FYN: variants seen among roughly 807,000 people sequenced by gnomAD.
FYN encodes tyrosine-protein kinase Fyn.
Under a neutral mutation model 70.2 loss-of-function variants are expected in FYN, and 10 were observed. The observed-to-expected ratio is 0.14, with a 90% CI of 0.09 to 0.24. FYN has a LOEUF of 0.24. FYN is among the 10% of genes least tolerant of loss of function. The probability of loss-of-function intolerance (pLI) is 1.00; values close to 1 mark genes in which losing one functional copy is unlikely to be tolerated. For missense variants in FYN, 319 were observed against 673.1 expected, an observed-to-expected ratio of 0.47 and a Z score of 5.82; for synonymous variants, 236 against 248.6, an observed-to-expected ratio of 0.95 and a Z score of 0.48.
rs185860212 is a variant in FYN at position 111,720,951 on chromosome 6, A to T, written c.-11-889T>A. Among the ~76,000 whole-genome samples, 269 of 151,436 alleles carry T rather than the reference A, an allele frequency of 1.8e-3. 1 individual carries two copies. Among genetic ancestry groups the T allele is most frequent in the Non-Finnish European group, 3.3e-3 (222 of 67,818 alleles). ...AGTCAGCATCCTGAGAAGCATCCTC[A>T]TTTCCTCCTCCTTGTTTACTTCCCA... On this transcript the variant is annotated intron_variant, in intron 3 of 13. Coordinates refer to ENST00000354650, the MANE Select transcript of FYN (RefSeq NM_002037.5).
At chr6:111,839,588 G>A (rs1213708845) in intron 2 of FYN, among the ~76,000 whole-genome samples, 10 of 152,068 alleles carry the variant, frequency 6.6e-5, no homozygotes, top group Admixed American at 6.6e-4. Flanking sequence ...TAAGTACCGT[G>A]TTCATGTCCA....
At chr6:111,809,339 TA>T (rs1772251523) in intron 2 of FYN, among the ~76,000 whole-genome samples, 1 of 152,224 alleles carries the variant, frequency 6.6e-6, no homozygotes, top group African/African-American at 2.4e-5. Flanking sequence ...TTCTCTACTC[TA>T]TGGTTACCTT....
chr6:111,696,222 C>G, intron 10 of FYN, 55 bp downstream of exon 10: 2 of 1,423,452 alleles, frequency 1.4e-6, no homozygotes, highest in Non-Finnish European at 1.9e-6. Context: ...ATTTCTCTCC[C>G]CTAAACAACC....
intron 3 of FYN, among the ~76,000 whole-genome samples, chr6:111,742,107 G>C (rs1802002578): frequency 6.6e-6 from 1 of 152,192 alleles, no homozygotes; most frequent in Non-Finnish European, 1.5e-5. Context: ...TAATTTTTGA[G>C]AGCCTCCTCT....
At chr6:111,748,187 A>C (rs1802314883) in intron 3 of FYN, among the ~76,000 whole-genome samples, 1 of 152,274 alleles carries the variant, frequency 6.6e-6, no homozygotes, top group Non-Finnish European at 1.5e-5. Context: ...AAGATTGTTA[A>C]TTAGACTGAC....
chr6:111,764,216 C>CAAAAAAAAAAAAAA (rs11409465), intron 3 of FYN, among the ~76,000 whole-genome samples: 42 of 58,314 alleles, frequency 7.2e-4, no homozygotes, highest in East Asian at 3.4e-3. Flanking sequence ...TTTTGTCAAG[C>CAAAAAAAAAAAAAA]AAAAAAAAAA....
chr6:111,737,541 C>A (rs542949639), intron 3 of FYN, among the ~76,000 whole-genome samples: 2 of 152,200 alleles, frequency 1.3e-5, no homozygotes, highest in Admixed American at 1.3e-4. Context: ...AAGGAAAGGG[C>A]GTGGAGCGTC....
intron 6 of FYN, among the ~76,000 whole-genome samples, chr6:111,705,777 A>T (rs529843380): frequency 2.6e-5 from 4 of 152,046 alleles, no homozygotes; most frequent in African/African-American, 9.7e-5. Context: ...TGAACCAGGG[A>T]TGTGGAGGTT....
chr6:111,789,045 A>AGAG (rs750714031), intron 2 of FYN, among the ~76,000 whole-genome samples: 17 of 152,148 alleles, frequency 1.1e-4, no homozygotes, highest in South Asian at 6.2e-4. Flanking sequence ...CAGAGAGAGA[A>AGAG]GAGGAGGAGG....
chr6:111,748,729 A>T, intron 3 of FYN, among the ~76,000 whole-genome samples: 1 of 152,338 alleles, frequency 6.6e-6, no homozygotes, highest in South Asian at 2.1e-4. Context: ...ATGTTTAATA[A>T]ATTTTAAAAT....
Position 111,738,762 on chromosome 6 carries a change from G to A in FYN, c.-11-18700C>T, listed in dbSNP as rs1008153855. On this transcript the variant is annotated intron_variant, in intron 3 of 13. Transcript: ENST00000354650. ...TGAATGTGATCCTCCCTGGCTGAAA[G>A]AGGAAACATCTAGGTGGGGCTTTAG... Among the ~76,000 whole-genome samples, 4 of 152,344 alleles carry A rather than the reference G, an allele frequency of 2.6e-5. No homozygotes were observed. In the East Asian group the frequency reaches 7.7e-4, roughly 29 times the overall value.
chr6:111,704,525 G>A (rs1441637848), intron 6 of FYN, among the ~76,000 whole-genome samples: 6 of 152,044 alleles, frequency 3.9e-5, no homozygotes, highest in African/African-American at 1.4e-4. Flanking sequence ...AGGCCGAGGT[G>A]GGCAGATCAC....
chr6:111,790,862 T>G (rs997168513), intron 2 of FYN, among the ~76,000 whole-genome samples: 13 of 152,182 alleles, frequency 8.5e-5, no homozygotes, highest in African/African-American at 2.9e-4. Context: ...ACAAAAGATA[T>G]GTAAGACTTT....
intron 3 of FYN, among the ~76,000 whole-genome samples, chr6:111,765,226 C>T (rs1803183560): frequency 1.3e-5 from 2 of 152,048 alleles, no homozygotes; most frequent in South Asian, 4.2e-4. Context: ...GAATTGTGTC[C>T]CCTCAAATGC....
At chr6:111,862,664 T>C (rs974488198) in intron 1 of FYN, among the ~76,000 whole-genome samples, 2 of 152,188 alleles carry the variant, frequency 1.3e-5, no homozygotes, top group African/African-American at 2.4e-5. Flanking sequence ...TAGTCTAAGC[T>C]AAAGTAGTAA....
chr6:111,753,552 G>T (rs752733281), intron 3 of FYN, among the ~76,000 whole-genome samples: 41 of 151,418 alleles, frequency 2.7e-4, no homozygotes, highest in Non-Finnish European at 5.2e-4. Flanking sequence ...ACAATCTCAA[G>T]ATATAAAAAT....
At chr6:111,768,933 C>G (rs907610468) in intron 3 of FYN, among the ~76,000 whole-genome samples, 7 of 152,152 alleles carry the variant, frequency 4.6e-5, no homozygotes, top group African/African-American at 1.7e-4. Flanking sequence ...TTTGAATCAG[C>G]ATGGGATAAA....
chr6:111,720,897 A>T (rs917230828), intron 3 of FYN, among the ~76,000 whole-genome samples: 9 of 151,982 alleles, frequency 5.9e-5, no homozygotes, highest in Admixed American at 5.9e-4. Context: ...CATCTAAGTA[A>T]ATGGGACCAC....
At chr6:111,679,265 C>G (rs1241871697) in intron 12 of FYN, among the ~76,000 whole-genome samples, 2 of 152,236 alleles carry the variant, frequency 1.3e-5, no homozygotes, top group Non-Finnish European at 2.9e-5. Context: ...TTTGCCTGAT[C>G]ACTAAAGACT....
Sources: allele counts gnomAD v4.1 joint callset (sites outside exome capture counted in the v4.1 genomes callset), GRCh38; gene constraint gnomAD v4.1.1; transcripts MANE v1.5; gene names NCBI Gene and HGNC (gene_info 2026-07-23, HGNC 2026-07-21).